AATF: variants seen among roughly 807,000 people sequenced by gnomAD.
The protein encoded by AATF is protein AATF.
AATF carries 48 observed loss-of-function variants against 63.7 expected under a neutral mutation model. The observed-to-expected ratio is 0.75, with a 90% CI of 0.60 to 0.96. The LOEUF (loss-of-function observed/expected upper bound fraction) is 0.96. Ranked by LOEUF, AATF falls within the 40% of genes least tolerant of loss-of-function variation. AATF has a pLI of 0.00. For missense variants in AATF, 639 were observed against 685.7 expected, an observed-to-expected ratio of 0.93 and a Z score of 0.76; for synonymous variants, 258 against 247.7, an observed-to-expected ratio of 1.04 and a Z score of -0.39.
rs12951424 is a variant in AATF, at chr17:37,046,607, C to A, written c.1620-9994C>A. The stretch of plus-strand genomic sequence containing the variant: ...TTTCTAAGCAAAAGAAATCCTCCAA[C>A]TTATTACCAGAAGTAATAGCAGAGT... On this transcript the variant is annotated intron_variant, in intron 11 of 11. Transcript: ENST00000619387. Among the ~76,000 whole-genome samples, 1,341 of 152,244 alleles carry A rather than the reference C, an allele frequency of 8.8e-3. 10 individuals are homozygous for A. Among genetic ancestry groups the A allele is most frequent in the African/African-American group, 0.03 (1,240 of 41,546 alleles).
intron 4 of AATF, among the ~76,000 whole-genome samples, chr17:36,968,270 C>CTTTTTTTTTTTTT (rs3049638): frequency 5.1e-4 from 12 of 23,762 alleles, no homozygotes; most frequent in African/African-American, 1.5e-3. Context: ...TTCCTTCTTT[C>CTTTTTTTTTTTTT]TTTTTTTTTT....
chr17:37,050,324 T>C (rs1427940977), intron 11 of AATF, among the ~76,000 whole-genome samples: 1 of 152,236 alleles, frequency 6.6e-6, no homozygotes, highest in East Asian at 1.9e-4. Flanking sequence ...TTCATGTCTT[T>C]GTGAACCTCC....
At chr17:36,970,772 C>T (rs922014116) in intron 4 of AATF, among the ~76,000 whole-genome samples, 1 of 151,758 alleles carries the variant, frequency 6.6e-6, no homozygotes, top group Non-Finnish European at 1.5e-5. Flanking sequence ...GAACTCCTGC[C>T]CTCCTGCCTC....
chr17:36,965,157 C>T (rs1177094272), intron 4 of AATF, among the ~76,000 whole-genome samples: 1 of 152,102 alleles, frequency 6.6e-6, no homozygotes, highest in Non-Finnish European at 1.5e-5. Flanking sequence ...AACAAATTAC[C>T]GCAAGCTTGG....
rs3049638 is a variant in AATF at position 36,968,270 on chromosome 17, C to CTTTTTTTTTTTTTTTTTTTTTTTTT, written c.832+14369_832+14393dup. ...TTTCTTTTTCTTTCTTTCCTTCTTT[C>CTTTTTTTTTTTTTTTTTTTTTTTTT]TTTTTTTTTTTTTTTTTTTTTTTTT... On this transcript the variant is annotated intron_variant, in intron 4 of 11. Transcript: ENST00000619387. 1.7e-4 allele frequency among the ~76,000 whole-genome samples: 4 copies of CTTTTTTTTTTTTTTTTTTTTTTTTT among 23,792 alleles called. 1 individual carries two copies. Among genetic ancestry groups the CTTTTTTTTTTTTTTTTTTTTTTTTT allele is most frequent in the Middle Eastern group, 0.031 (1 of 32 alleles). 15.6% of individuals were successfully genotyped at this position (23,792 alleles called of 152,430 possible).
chr17:37,012,620 G>A (rs2071400686), intron 8 of AATF, among the ~76,000 whole-genome samples: 1 of 152,150 alleles, frequency 6.6e-6, no homozygotes, highest in South Asian at 2.1e-4. Flanking sequence ...TATGAACTGT[G>A]GAAGCCTAAA....
At chr17:37,009,434 C>T (rs556185531) in intron 8 of AATF, among the ~76,000 whole-genome samples, 16 of 151,814 alleles carry the variant, frequency 1.1e-4, no homozygotes, top group East Asian at 3.9e-4. Context: ...TGTGAACCAC[C>T]GTGCCTGGCC....
chr17:37,043,317 G>C (rs1266140157), intron 11 of AATF: 5 of 152,144 alleles, frequency 3.3e-5, no homozygotes, highest in African/African-American at 1.2e-4. Context: ...TCCCTATTCT[G>C]CATGTCTGTT....
rs117328350 is a variant in AATF, at chr17:36,992,849, G to A, written c.1398+1992G>A. Among the ~76,000 whole-genome samples, 15 of 152,240 alleles carry A rather than the reference G, an allele frequency of 9.9e-5. 1 individual carries two copies. The highest frequency in any genetic ancestry group is 9.6e-4 in the East Asian group (5 of 5,184). The stretch of plus-strand genomic sequence containing the variant: ...CTAAAACACCTGAGTGAAACAAATG[G>A]GGCTGCCAGGCACAACTTTATCTTG... On this transcript the variant is annotated intron_variant, in intron 8 of 11. Transcript: ENST00000619387.
intron 10 of AATF, among the ~76,000 whole-genome samples, chr17:37,023,796 T>A (rs1396994862): frequency 6.6e-6 from 1 of 152,052 alleles, no homozygotes; most frequent in Non-Finnish European, 1.5e-5. Flanking sequence ...TACACAGTCA[T>A]TTGTGCTATC....
chr17:36,986,638 T>C lies in AATF; in HGVS notation c.854T>C (p.Leu285Ser), dbSNP rs775108752. 6.2e-7 allele frequency: 1 copy of C among 1,614,102 alleles called. No homozygotes were observed. The highest frequency in any genetic ancestry group is 1.1e-5 in the South Asian group (1 of 91,082). Residue 285 changes from leucine (L) to serine (S), a missense_variant, in exon 5 of 12, where the codon TTG (leucine) becomes TCG (serine). By Grantham distance (145) the Leu-to-Ser change is moderately radical. Transcript: ENST00000619387. ...CCAGGTCACAAGGCACTTAAAGCAT[T>C]GTTGAGGTCATTGGTAGGTCTTCAG... ...LKNSHKALKA[L>S]LRSLVGLQEE... is the part of the protein sequence containing the mutation.
Position 36,949,121 on chromosome 17 carries a change from T to G in AATF, c.-5T>G. On this transcript the variant is annotated 5_prime_UTR_variant, in exon 1 of 12. Transcript: ENST00000619387. Reference sequence around the variant, plus strand: ...CGAAGCGGAGTGGACCGGGAGCTGGTGACGATGGCGGGGCCGCAGCCCCTG... The same window carrying G: ...CGAAGCGGAGTGGACCGGGAGCTGGGGACGATGGCGGGGCCGCAGCCCCTG... 6.4e-7 allele frequency: 1 copy of G among 1,573,870 alleles called. No homozygotes were observed. Among genetic ancestry groups the G allele is most frequent in the East Asian group, 2.3e-5 (1 of 43,398 alleles).
chr17:36,974,611 A>G (rs193243649), intron 4 of AATF, among the ~76,000 whole-genome samples: 247 of 152,260 alleles, frequency 1.6e-3, no homozygotes, highest in Non-Finnish European at 2.5e-3. Context: ...TTTTTATATG[A>G]GTGTCAGTTT....
intron 10 of AATF, among the ~76,000 whole-genome samples, chr17:37,029,857 G>A (rs897676996): frequency 3.3e-5 from 5 of 151,546 alleles, no homozygotes; most frequent in African/African-American, 7.3e-5. Context: ...GTGAGCCACC[G>A]TGCCTGGCCA....
Position 36,987,260 on chromosome 17 carries a change from G to A in AATF, c.947+529G>A, listed in dbSNP as rs147921085. Among the ~76,000 whole-genome samples the A allele has an allele frequency of 2.2e-3, 331 of 151,516 alleles. 2 individuals carry two copies. Among genetic ancestry groups the A allele is most frequent in the African/African-American group, 7.7e-3 (319 of 41,234 alleles). ...TCCACCTCAGCCTCCCAAAGTGCTG[G>A]AATTATAAGCATGGGCCACTTCACC... On this transcript the variant is annotated intron_variant, in intron 5 of 11. Transcript: ENST00000619387.
chr17:36,958,434 G>A (rs559385057), intron 4 of AATF, among the ~76,000 whole-genome samples: 1 of 152,162 alleles, frequency 6.6e-6, no homozygotes, highest in South Asian at 2.1e-4. Context: ...CAAAGTGCTG[G>A]GCTTACAGGT....
At chr17:37,032,511 G>C (rs532003485) in intron 11 of AATF, among the ~76,000 whole-genome samples, 1 of 152,264 alleles carries the variant, frequency 6.6e-6, no homozygotes, top group Admixed American at 6.5e-5. Context: ...AGGAGCCCTG[G>C]CTCTGTTTAG....
chr17:36,975,327 G>A (rs1433238177), intron 4 of AATF, among the ~76,000 whole-genome samples: 3 of 151,292 alleles, frequency 2.0e-5, no homozygotes, highest in African/African-American at 2.4e-5. Flanking sequence ...CATGCCATTT[G>A]CCTCTAAATA....
chr17:37,050,115 G>T (rs2071734781), intron 11 of AATF, among the ~76,000 whole-genome samples: 1 of 152,026 alleles, frequency 6.6e-6, no homozygotes, highest in Admixed American at 6.5e-5. Flanking sequence ...AATAGTTGAA[G>T]TGCTGCCACA....
Sources: allele counts gnomAD v4.1 joint callset (sites outside exome capture counted in the v4.1 genomes callset), GRCh38; gene constraint gnomAD v4.1.1; transcripts MANE v1.5; gene names NCBI Gene and HGNC (gene_info 2026-07-23, HGNC 2026-07-21).